Variants in DFFB observed in about 807,000 individuals in gnomAD.
The protein encoded by DFFB is DNA fragmentation factor subunit beta.
Under a neutral mutation model 32.7 loss-of-function variants are expected in DFFB, and 29 were observed. The ratio of observed to expected loss-of-function variants is 0.89; its 90% confidence interval spans 0.66 to 1.21. DFFB has a LOEUF of 1.21. Among genes scored for constraint, DFFB ranks in the 50% most tolerant of loss-of-function variants. The pLI is 0.00. For missense variants in DFFB, 398 were observed against 440.6 expected (o/e 0.90, Z 0.87); for synonymous variants, 170 against 177.1 (o/e 0.96, Z 0.32).
intron 6 of DFFB, among the ~76,000 whole-genome samples, chr1:3,883,128 C>A (rs1340962341): frequency 6.6e-6 from 1 of 152,042 alleles, no homozygotes; most frequent in Non-Finnish European, 1.5e-5. Flanking sequence ...CTCAGCCTCC[C>A]AAGTAGCTGG....
intron 5 of DFFB, 32 bp downstream of exon 5, chr1:3,869,807 C>G: frequency 6.4e-7 from 1 of 1,558,994 alleles, no homozygotes. Flanking sequence ...CTGGGGCCAC[C>G]CGGCTGGCCT....
intron 3 of DFFB, among the ~76,000 whole-genome samples, chr1:3,866,794 G>A (rs895539010): frequency 3.3e-5 from 5 of 152,070 alleles, no homozygotes; most frequent in African/African-American, 1.2e-4. Flanking sequence ...TGACTCTAGG[G>A]ACCTCATATG....
At chr1:3,881,007 C>G (rs77138971) in intron 6 of DFFB, among the ~76,000 whole-genome samples, 6 of 152,188 alleles carry the variant, frequency 3.9e-5, no homozygotes, top group African/African-American at 1.2e-4. Context: ...AACACACTCC[C>G]GATGTCCACA....
chr1:3,873,633 C>T (rs1645162910), intron 6 of DFFB, among the ~76,000 whole-genome samples: 1 of 152,116 alleles, frequency 6.6e-6, no homozygotes, highest in African/African-American at 2.4e-5. Flanking sequence ...GCACGTGGCA[C>T]CACGTCCAGC....
At chr1:3,861,153 CAAA>C (rs56961503) in intron 2 of DFFB, among the ~76,000 whole-genome samples, 1 of 122,944 alleles carries the variant, frequency 8.1e-6, no homozygotes. Flanking sequence ...GACTCCATCT[CAAA>C]AAAAAAAAAA....
rs1016121251 is a variant in DFFB at position 3,866,228 on chromosome 1, G to A, written c.430+228G>A. On this transcript the variant is annotated intron_variant, in intron 3 of 6. Transcript: ENST00000378209. ...AGAGTCCAGGGCAGCCCTCGGATGG[G>A]ACTTTTTATATTTTTATAGATATGT... 4.5e-6 allele frequency: 3 copies of A among 663,992 alleles called. No individual in the cohort carries two copies. The African/African-American group carries it at 5.3e-5, about 12-fold the overall frequency. The allele number at this position is 663,992 out of a possible 1,614,324, so 41.1% of individuals were successfully genotyped here.
At position 3,872,439 on chromosome 1, in the gene DFFB, T is replaced by C. The variant is rs759774410; in HGVS notation, c.682-33T>C. 2.0e-6 allele frequency: 3 copies of C among 1,530,062 alleles called. No individual in the cohort carries two copies. In the Admixed American group the frequency reaches 5.2e-5, roughly 27 times the overall value. 94.8% of individuals were successfully genotyped at this position (1,530,062 alleles called of 1,614,324 possible). A position where few individuals can be genotyped will look rare whatever the true frequency, so the allele number is the denominator to read the frequency against. The stretch of plus-strand genomic sequence containing the variant: ...GAAAAAAAAAAAAAGAGACTCACTT[T>C]CTGGCCTTCCCTCATTGTCTTTTGG... On this transcript the variant is annotated intron_variant, in intron 5 of 6. Coordinates refer to ENST00000378209, the MANE Select transcript of DFFB (RefSeq NM_004402.4).
chr1:3,882,748 A>G (rs1417795953), intron 6 of DFFB, among the ~76,000 whole-genome samples: 2 of 152,220 alleles, frequency 1.3e-5, no homozygotes, highest in African/African-American at 4.8e-5. Flanking sequence ...AACCCTTAAT[A>G]GTGATTACCT....
rs770918230 is a variant in DFFB at position 3,865,743 on chromosome 1, C to T, written c.242-69C>T. On this transcript the variant is annotated intron_variant, in intron 2 of 6. Coordinates refer to ENST00000378209, the MANE Select transcript of DFFB (RefSeq NM_004402.4). This position sits in a 1 kb window ranked among gnomAD's most constrained non-coding sequence, Gnocchi z 4.7. ...ATGGGGGAAGATGTGGTCAGAGGCT[C>T]TTCTTGTGACCGGGGCAGGATGTGT... 15 of 1,612,928 alleles carry T rather than the reference C, an allele frequency of 9.3e-6. No individual in the cohort carries two copies. The highest frequency in any genetic ancestry group is 2.7e-5 in the African/African-American group (2 of 74,880).
chr1:3,859,859 C>T (rs573943565), intron 2 of DFFB, among the ~76,000 whole-genome samples: 1 of 152,278 alleles, frequency 6.6e-6, no homozygotes, highest in South Asian at 2.1e-4. Flanking sequence ...TGGATGTTAT[C>T]TTTCTTTCCC....
rs1342951098 is a variant in DFFB, at chr1:3,865,603, C to T, written c.242-209C>T. 4.1e-6 allele frequency: 3 copies of T among 723,400 alleles called. No homozygotes were observed. Among genetic ancestry groups the T allele is most frequent in the Non-Finnish European group, 7.4e-6 (3 of 404,286 alleles). The allele number at this position is 723,400 out of a possible 1,614,324, so 44.8% of individuals were successfully genotyped here. ...TCCTCTAAAGCACACCCTGCCCCTC[C>T]CTCCTCTGTCCTCATGCCGCCCTTG... is the stretch of plus-strand genomic sequence containing the variant. On this transcript the variant is annotated intron_variant, in intron 2 of 6. Transcript: ENST00000378209. The surrounding 1 kb of genome is among the most constrained non-coding windows in gnomAD (Gnocchi z 4.7).
At chr1:3,880,517 G>A (rs901557188) in intron 6 of DFFB, among the ~76,000 whole-genome samples, 1 of 152,208 alleles carries the variant, frequency 6.6e-6, no homozygotes, top group African/African-American at 2.4e-5. Context: ...GACTGTGCTG[G>A]GCTCCTGAAG....
intron 2 of DFFB, among the ~76,000 whole-genome samples, chr1:3,860,820 A>G (rs550495172): frequency 4.8e-4 from 73 of 152,278 alleles, no homozygotes; most frequent in Non-Finnish European, 7.8e-4. Flanking sequence ...AGCCCGTAGC[A>G]ACTGCTGATA....
At position 3,865,706 on chromosome 1, in the gene DFFB, A is replaced by G. The variant is rs1644964259; in HGVS notation, c.242-106A>G. 2 of 1,573,052 alleles carry G rather than the reference A, an allele frequency of 1.3e-6. 1 individual carries two copies. Among genetic ancestry groups the G allele is most frequent in the South Asian group, 2.2e-5 (2 of 90,088 alleles). ...TCAAGTCTGAGTCCTGGTGATTGCC[A>G]GGCCCTGGGGAATGGGGGAAGATGT... On this transcript the variant is annotated intron_variant, in intron 2 of 6. Transcript: ENST00000378209. This position sits in a 1 kb window ranked among gnomAD's most constrained non-coding sequence, Gnocchi z 4.7.
chr1:3,860,768 C>T (rs1012721774), intron 2 of DFFB, among the ~76,000 whole-genome samples: 1 of 152,176 alleles, frequency 6.6e-6, no homozygotes, highest in African/African-American at 2.4e-5. Flanking sequence ...TCAAGGTTCT[C>T]CCCTTTATAA....
intron 6 of DFFB, among the ~76,000 whole-genome samples, chr1:3,876,616 A>G (rs112902388): frequency 0.02 from 3,046 of 152,306 alleles, 93 homozygotes; most frequent in African/African-American, 0.069. Context: ...CTAATGAACA[A>G]TGAAATAAAA....
intron 6 of DFFB, among the ~76,000 whole-genome samples, chr1:3,878,602 C>A (rs12079434): frequency 2.0e-5 from 3 of 152,208 alleles, no homozygotes; most frequent in Non-Finnish European, 4.4e-5. Flanking sequence ...TTCCTTCTTT[C>A]CCTTGCCCAT....
chr1:3,863,877 T>G (rs989587450), intron 2 of DFFB, among the ~76,000 whole-genome samples: 3 of 152,158 alleles, frequency 2.0e-5, no homozygotes, highest in Non-Finnish European at 2.9e-5. Context: ...GGTTTCTTTT[T>G]GAGGTGGTGA....
In DFFB at chr1:3,865,921, G is replaced by A. The variant is rs1644970152; in HGVS notation, c.351G>A (p.Arg117=). The A allele has an allele frequency of 6.2e-7, 1 of 1,611,244 alleles. No homozygotes were observed. Among genetic ancestry groups the A allele is most frequent in the African/African-American group, 1.3e-5 (1 of 74,874 alleles). ...LCDEQAPQRQ[R]LLADLLHNVS... ...ATGAGCAGGCCCCACAGAGGCAGAG[G>A]CTGCTGGCTGACCTCCTGCACAACG... Residue 117 remains arginine, a synonymous_variant, in exon 3 of 7, where the codon AGG becomes AGA. Transcript: ENST00000378209. The surrounding 1 kb of genome is among the most constrained non-coding windows in gnomAD (Gnocchi z 4.7).
Sources: gnomAD v4.1 joint callset for allele counts (sites outside exome capture counted in the v4.1 genomes callset) on GRCh38, gnomAD v4.1.1 for gene constraint, Gnocchi (gnomAD v3.1) non-coding constraint, MANE v1.5 for transcripts, NCBI Gene and HGNC (gene_info 2026-07-23, HGNC 2026-07-21) for gene names.